The following CCDC7 variants were observed in gnomAD, a reference collection of about 807,000 sequenced individuals.
CCDC7 encodes the protein coiled-coil domain-containing protein 7.
Under a neutral mutation model 196.9 loss-of-function variants are expected in CCDC7, and 183 were observed. The ratio of observed to expected loss-of-function variants is 0.93; its 90% confidence interval spans 0.82 to 1.05. The LOEUF is 1.05. Among genes scored for constraint, CCDC7 ranks in the 50% least tolerant of loss-of-function variants. The pLI is 0.00. For synonymous variants in CCDC7, 525 were observed against 484.6 expected, an observed-to-expected ratio of 1.08 and a Z score of -1.10; for missense variants, 1,540 against 1,482.2, an observed-to-expected ratio of 1.04 and a Z score of -0.64.
Position 32,782,565 on chromosome 10 carries a change from G to T in CCDC7, c.3013+3481G>T, listed in dbSNP as rs185212110. On this transcript the variant is annotated intron_variant, in intron 29 of 41. Coordinates refer to ENST00000639629, the Ensembl canonical transcript of CCDC7. Reference sequence around the variant, plus strand: ...TATTAAGATGACAGTAATACCCAAAGTGATCTACACCTTCAATGCAATCTG... The same window carrying T: ...TATTAAGATGACAGTAATACCCAAATTGATCTACACCTTCAATGCAATCTG... Among the ~76,000 whole-genome samples the T allele has an allele frequency of 1.1e-4, 16 of 152,242 alleles. No individual in the cohort carries two copies. The East Asian group carries it at 2.9e-3, about 28-fold the overall frequency.
At chr10:32,702,661 C>T (rs2078957073) in intron 24 of CCDC7, among the ~76,000 whole-genome samples, 1 of 152,150 alleles carries the variant, frequency 6.6e-6, no homozygotes, top group South Asian at 2.1e-4. Context: ...GTCTAAGTCT[C>T]TTTGTAGGTC....
intron 28 of CCDC7, among the ~76,000 whole-genome samples, chr10:32,752,336 A>G (rs576337212): frequency 6.5e-4 from 99 of 152,276 alleles, no homozygotes; most frequent in African/African-American, 2.2e-3. Context: ...CTGGAAAATC[A>G]TAGACAAAAC....
intron 11 of CCDC7, among the ~76,000 whole-genome samples, chr10:32,520,831 C>G (rs1439533935): frequency 6.6e-6 from 1 of 152,038 alleles, no homozygotes; most frequent in African/African-American, 2.4e-5. Context: ...CCAATGTTTT[C>G]TTGGAGTAGT....
At chr10:32,546,707 A>G (rs11008970) in intron 13 of CCDC7, among the ~76,000 whole-genome samples, 15,980 of 152,194 alleles carry the variant, frequency 0.1, 1,040 homozygotes, top group South Asian at 0.25. Context: ...CAGCTTAAAC[A>G]ATTTATATTA....
intron 18 of CCDC7, among the ~76,000 whole-genome samples, chr10:32,606,251 G>C (rs569806391): frequency 6.6e-6 from 1 of 152,354 alleles, no homozygotes; most frequent in East Asian, 1.9e-4. Context: ...CCTCTGCCTA[G>C]GTTTCAGGGA....
intron 1 of CCDC7, 105 bp downstream of exon 2, chr10:32,452,026 G>T: frequency 7.1e-7 from 1 of 1,400,662 alleles, no homozygotes; most frequent in Non-Finnish European, 9.4e-7. Flanking sequence ...CATACCGATG[G>T]CTAAGATTTA....
chr10:32,722,540 A>C (rs1020667572), intron 25 of CCDC7, among the ~76,000 whole-genome samples: 11 of 152,036 alleles, frequency 7.2e-5, no homozygotes, highest in Admixed American at 4.6e-4. Context: ...GCTATTTTTG[A>C]CATTCCTTGG....
intron 21 of CCDC7, among the ~76,000 whole-genome samples, chr10:32,684,561 T>C (rs1762527): frequency 0.92 from 140,612 of 152,246 alleles, 65,922 homozygotes; most frequent in East Asian, 1. Flanking sequence ...GTCACCACTA[T>C]TTCCTTGATG....
intron 23 of CCDC7, 22 bp downstream of exon 24, chr10:32,689,185 A>ACGCCTGTAATCCCAGC (rs1431139038): frequency 7.1e-7 from 1 of 1,404,008 alleles, no homozygotes; most frequent in East Asian, 2.4e-5. Context: ...AAGTAAAGAT[A>ACGCCTGTAATCCCAGC]ACTTTAAATT....
chr10:32,759,380 T>G (rs2077040511), intron 28 of CCDC7, among the ~76,000 whole-genome samples: 1 of 152,198 alleles, frequency 6.6e-6, no homozygotes, highest in Non-Finnish European at 1.5e-5. Flanking sequence ...AGCATGGTAC[T>G]GGTACCAAAA....
chr10:32,707,478 A>G (rs1276421658), intron 24 of CCDC7, among the ~76,000 whole-genome samples: 2 of 152,212 alleles, frequency 1.3e-5, no homozygotes, highest in Non-Finnish European at 2.9e-5. Flanking sequence ...CCGGGCAATC[A>G]GGCAGGAGAA....
intron 41 of CCDC7, among the ~76,000 whole-genome samples, chr10:32,855,927 C>G (rs2136352518): frequency 6.6e-6 from 1 of 152,266 alleles, no homozygotes; most frequent in Admixed American, 6.5e-5. Flanking sequence ...TAAACCCTCA[C>G]ATATATGGTC....
At position 32,479,822 on chromosome 10, in the gene CCDC7, T is replaced by G. The variant is rs577834125; in HGVS notation, c.796+5799T>G. Among the ~76,000 whole-genome samples, 10 of 125,924 alleles carry G rather than the reference T, an allele frequency of 7.9e-5. No individual in the cohort carries two copies. In the Admixed American group the frequency reaches 8.5e-4, roughly 11 times the overall value. The allele number at this position is 125,924 out of a possible 152,430, so 82.6% of individuals were successfully genotyped here. On this transcript the variant is annotated intron_variant, in intron 8 of 41. Coordinates refer to ENST00000639629, the Ensembl canonical transcript of CCDC7. The stretch of plus-strand genomic sequence containing the variant: ...GGGTAGAATTAGGCCATAAAACCAC[T>G]GGGTCCTGGTTTTTTCTTTTTTTTT...
chr10:32,728,453 A>G (rs1156275993), intron 26 of CCDC7, among the ~76,000 whole-genome samples: 1 of 152,028 alleles, frequency 6.6e-6, no homozygotes, highest in African/African-American at 2.4e-5. Context: ...ATATCATACC[A>G]TTGTTTGTGG....
intron 18 of CCDC7, among the ~76,000 whole-genome samples, chr10:32,632,505 T>C (rs922179513): frequency 4.0e-5 from 6 of 151,770 alleles, no homozygotes; most frequent in African/African-American, 1.4e-4. Context: ...TTTAATGTCC[T>C]CTTCTTTTTC....
chr10:32,511,257 G>GGGGT lies in CCDC7; in HGVS notation c.873-6685_873-6684insTGGG, dbSNP rs2046087531. ...GTCCTGCCACAGAATTATTCTGTGG[G>GGGGT]GGGCGGGGGGGGCGGGGAAATGTAC... On this transcript the variant is annotated intron_variant, in intron 9 of 41. Transcript: ENST00000639629. The GGGGT allele has an allele frequency of 8.3e-5, 55 of 658,820 alleles. No individual in the cohort carries two copies. In the African/African-American group the frequency reaches 1.0e-3, roughly 12 times the overall value. The allele number at this position is 658,820 out of a possible 1,614,324, so 40.8% of individuals were successfully genotyped here.
At chr10:32,631,818 T>A (rs2064906980) in intron 18 of CCDC7, among the ~76,000 whole-genome samples, 1 of 152,142 alleles carries the variant, frequency 6.6e-6, no homozygotes, top group Admixed American at 6.6e-5. Flanking sequence ...CTTCAATTAC[T>A]TTCAATGATT....
At chr10:32,695,884 A>C (rs879649990) in intron 24 of CCDC7, among the ~76,000 whole-genome samples, 2 of 152,186 alleles carry the variant, frequency 1.3e-5, no homozygotes, top group African/African-American at 2.4e-5. Context: ...GCAGTGCCAA[A>C]GACAGAACTA....
chr10:32,825,302 A>G (rs2090945619), intron 32 of CCDC7, among the ~76,000 whole-genome samples: 1 of 152,186 alleles, frequency 6.6e-6, no homozygotes, highest in African/African-American at 2.4e-5. Flanking sequence ...AGTGTTGCCA[A>G]AAGAGATTAA....
Sources: gnomAD v4.1 joint callset for allele counts (sites outside exome capture counted in the v4.1 genomes callset) on GRCh38, gnomAD v4.1.1 for gene constraint, MANE v1.5 for transcripts, NCBI Gene and HGNC (gene_info 2026-07-23, HGNC 2026-07-21) for gene names.